Variants in GPHN observed in about 807,000 individuals in gnomAD.
GPHN encodes gephyrin.
A neutral mutation model predicts 95.5 loss-of-function variants in GPHN; 17 were observed. That is an observed-to-expected ratio of 0.18 (90% CI 0.12 to 0.27). GPHN has a LOEUF of 0.27. Ranked by LOEUF, GPHN falls within the 10% of genes least tolerant of loss-of-function variation. The pLI is 1.00. For missense variants in GPHN, 660 were observed against 978.1 expected, an observed-to-expected ratio of 0.67 and a Z score of 4.34; for synonymous variants, 320 against 322.5, an observed-to-expected ratio of 0.99 and a Z score of 0.08.
At chr14:67,535,574 G>T in the GPHN span, among the ~76,000 whole-genome samples, 1 of 151,788 alleles carries the variant, frequency 6.6e-6, no homozygotes, top group African/African-American at 2.4e-5. Context: ...TAGAGACAGG[G>T]TTTCACCATG....
chr14:67,407,863 C>G, the GPHN span, among the ~76,000 whole-genome samples: 629 of 152,292 alleles, frequency 4.1e-3, 20 homozygotes, highest in East Asian at 0.06. Context: ...GTCCCAGCTA[C>G]TTGGGAGGCT....
chr14:67,006,986 A>G (rs2072654390), intron 9 of GPHN, among the ~76,000 whole-genome samples: 1 of 152,188 alleles, frequency 6.6e-6, no homozygotes, highest in Non-Finnish European at 1.5e-5. Flanking sequence ...ATTCCCTCAT[A>G]TCCATGACAA....
intron 2 of GPHN, among the ~76,000 whole-genome samples, chr14:66,743,507 C>T (rs1472670708): frequency 3.9e-5 from 6 of 151,976 alleles, no homozygotes; most frequent in Non-Finnish European, 8.8e-5. Flanking sequence ...GAGGCCGAGG[C>T]GGGCGGATCA....
intron 8 of GPHN, among the ~76,000 whole-genome samples, chr14:66,961,947 T>TATATATATATATATATATAC (rs1555452281): frequency 1.3e-5 from 1 of 75,120 alleles, no homozygotes; most frequent in South Asian, 4.8e-4. Flanking sequence ...TATATATATA[T>TATATATATATATATATATAC]ACACATATCT....
intron 17 of GPHN, among the ~76,000 whole-genome samples, chr14:67,128,325 C>T (rs904562236): frequency 2.0e-4 from 30 of 151,278 alleles, no homozygotes; most frequent in African/African-American, 7.3e-4. Context: ...GGCGTGATCT[C>T]GGCTCACTGC....
Position 67,126,796 on chromosome 14 carries a change from C to T in GPHN, c.1748+4419C>T, listed in dbSNP as rs564678972. Among the ~76,000 whole-genome samples the T allele has an allele frequency of 4.4e-3, 673 of 151,676 alleles. 2 individuals carry two copies. Among genetic ancestry groups the T allele is most frequent in the Non-Finnish European group, 7.2e-3 (488 of 67,914 alleles). On this transcript the variant is annotated intron_variant, in intron 17 of 22. Transcript: ENST00000478722. Reference sequence around the variant, plus strand: ...ATGCTGCTATAAAGACACATGCACACGTATGTTTATTGCGGCATTATTCAC... The same window carrying T: ...ATGCTGCTATAAAGACACATGCACATGTATGTTTATTGCGGCATTATTCAC...
the GPHN span, chr14:67,292,639 C>G: frequency 6.2e-7 from 1 of 1,613,656 alleles, no homozygotes; most frequent in Non-Finnish European, 8.5e-7. Context: ...ATTTAAGATA[C>G]ACAATGCCAT....
At chr14:66,914,733 T>C (rs1372415025) in intron 5 of GPHN, among the ~76,000 whole-genome samples, 1 of 152,072 alleles carries the variant, frequency 6.6e-6, no homozygotes. Context: ...GAACTTAATA[T>C]TGATGACATT....
intron 3 of GPHN, among the ~76,000 whole-genome samples, chr14:66,785,081 G>A (rs2059725891): frequency 6.6e-6 from 1 of 152,168 alleles, no homozygotes; most frequent in Non-Finnish European, 1.5e-5. Context: ...AAAAAAGCAG[G>A]AGTGGGCTGG....
At chr14:66,574,612 A>G (rs535947010) in intron 1 of GPHN, among the ~76,000 whole-genome samples, 4 of 152,300 alleles carry the variant, frequency 2.6e-5, no homozygotes, top group African/African-American at 9.6e-5. Context: ...TATTGACTGC[A>G]TAAGGAACAT....
intron 1 of GPHN, among the ~76,000 whole-genome samples, chr14:66,521,622 A>G (rs1427574261): frequency 6.6e-6 from 1 of 152,068 alleles, no homozygotes; most frequent in Non-Finnish European, 1.5e-5. Flanking sequence ...GTGGCTTTCT[A>G]GCTATGTCCA....
Position 67,058,668 on chromosome 14 carries a change from C to G in GPHN, c.1026C>G (p.Ile342Met), listed in dbSNP as rs1465331000. 13 of 1,613,046 alleles carry G rather than the reference C, an allele frequency of 8.1e-6. No homozygotes were observed. Among genetic ancestry groups the G allele is most frequent in the Non-Finnish European group, 1.1e-5 (13 of 1,179,082 alleles). The change falls in exon 11 of 23, where the codon ATC becomes ATG. Residue 342 changes from isoleucine to methionine, a missense_variant. Physicochemically the swap from Ile to Met is conservative, Grantham distance 10. Coordinates refer to ENST00000478722, the MANE Select transcript of GPHN (RefSeq NM_020806.5). ...ILRASHSAVDITKVARRHRMS... is the reference protein window; with the variant it reads ...ILRASHSAVDMTKVARRHRMS... Reference sequence around the variant, plus strand: ...GTTTAGGTCACAGTGCTGTCGATATCACCAAGGTGGCTAGAAGACATCGCA... The same window carrying G: ...GTTTAGGTCACAGTGCTGTCGATATGACCAAGGTGGCTAGAAGACATCGCA...
chr14:66,965,325 A>C lies in GPHN; in HGVS notation c.963A>C (p.Lys321Asn), dbSNP rs749743239. 1 of 1,613,382 alleles carries C rather than the reference A, an allele frequency of 6.2e-7. No individual in the cohort carries two copies. Among genetic ancestry groups the C allele is most frequent in the African/African-American group, 1.3e-5 (1 of 74,876 alleles). ...CTACAGCTTCCTGCCCAACACCAAA[A>C]GTAAGTATGGTTCCTTCGCATCTTA... ...RLSTASCPTP[K>N]VQSRCSSKEN... Residue 321 changes from lysine (K) to asparagine (N), a missense_variant and splice_region_variant, in exon 9 of 23, where the codon AAA (lysine) becomes AAC (asparagine). Around this residue, in one of 6 missense-constraint regions of GPHN, gnomAD observed 190 missense variants for 224.7 expected, o/e 0.85. Coordinates refer to ENST00000478722, the MANE Select transcript of GPHN (RefSeq NM_020806.5).
intron 4 of GPHN, among the ~76,000 whole-genome samples, chr14:66,829,080 G>A (rs534294412): frequency 2.3e-5 from 3 of 130,294 alleles, no homozygotes; most frequent in Admixed American, 2.3e-4. Flanking sequence ...TAGATTGCTT[G>A]CCTTTTTTTT....
chr14:67,694,932 C>T, the GPHN span, among the ~76,000 whole-genome samples: 1 of 152,100 alleles, frequency 6.6e-6, no homozygotes, highest in African/African-American at 2.4e-5. Flanking sequence ...GGTTTTACAG[C>T]CCGCTGCTGA....
At chr14:67,204,748 T>C in the GPHN span, 1 of 1,613,858 alleles carries the variant, frequency 6.2e-7, no homozygotes, top group East Asian at 2.2e-5. Flanking sequence ...TTCAAGTCTC[T>C]CAGGAATTAC....
chr14:67,315,866 G>A, the GPHN span, among the ~76,000 whole-genome samples: 3 of 152,186 alleles, frequency 2.0e-5, no homozygotes, highest in Non-Finnish European at 4.4e-5. Context: ...CGGAGGTTGC[G>A]GTGAGCCAAG....
intron 1 of GPHN, among the ~76,000 whole-genome samples, chr14:66,549,215 G>C (rs975644917): frequency 6.6e-6 from 1 of 152,044 alleles, no homozygotes; most frequent in African/African-American, 2.4e-5. Flanking sequence ...CATTATATTG[G>C]TAAGTTGTGT....
At chr14:66,804,621 A>G (rs888952053) in intron 3 of GPHN, among the ~76,000 whole-genome samples, 1 of 152,332 alleles carries the variant, frequency 6.6e-6, no homozygotes, top group East Asian at 1.9e-4. Context: ...TAAAATTAAC[A>G]GTCAGCCTAT....
Sources: gnomAD v4.1 joint callset for allele counts (sites outside exome capture counted in the v4.1 genomes callset) on GRCh38, gnomAD v4.1.1 for gene constraint, gnomAD v4.1.1 regional missense constraint, MANE v1.5 for transcripts, NCBI Gene and HGNC (gene_info 2026-07-23, HGNC 2026-07-21) for gene names.